BMP5: variants seen among roughly 807,000 people sequenced by gnomAD.
BMP5 encodes bone morphogenetic protein 5.
Under a neutral mutation model 46.6 loss-of-function variants are expected in BMP5, and 23 were observed. The observed-to-expected ratio is 0.49, with a 90% CI of 0.35 to 0.70. The LOEUF (loss-of-function observed/expected upper bound fraction) is 0.70, where lower values mean the gene tolerates loss of function less well. Among genes scored for constraint, BMP5 ranks in the 30% least tolerant of loss-of-function variants. The pLI is 0.00. For missense variants in BMP5, 545 were observed against 565.6 expected (o/e 0.96, Z 0.37); for synonymous variants, 204 against 191.9 (o/e 1.06, Z -0.52).
Position 55,808,057 on chromosome 6 carries a change from GA to G in BMP5, c.683+11597del, listed in dbSNP as rs371050082. ...AGAAACCCACTCTTCTGGGCTTCCT[GA>G]CTTCCTCAGAACTAGCCAGAGGAAA... On this transcript the variant is annotated intron_variant, in intron 2 of 6. Coordinates refer to ENST00000370830, the MANE Select transcript of BMP5 (RefSeq NM_021073.4). 1.6e-3 allele frequency among the ~76,000 whole-genome samples: 239 copies of G among 152,264 alleles called. 1 individual carries two copies. Among genetic ancestry groups the G allele is most frequent in the African/African-American group, 5.5e-3 (227 of 41,550 alleles).
At chr6:55,789,567 A>G (rs1014157135) in intron 3 of BMP5, among the ~76,000 whole-genome samples, 1 of 152,210 alleles carries the variant, frequency 6.6e-6, no homozygotes, top group African/African-American at 2.4e-5. Context: ...CTAGTATGTC[A>G]GTTAATTAAT....
intron 2 of BMP5, among the ~76,000 whole-genome samples, chr6:55,819,275 C>T (rs995570122): frequency 6.6e-6 from 1 of 152,090 alleles, no homozygotes; most frequent in Non-Finnish European, 1.5e-5. Context: ...AAAAGTAAAG[C>T]AGTGCTTCTC....
intron 1 of BMP5, among the ~76,000 whole-genome samples, chr6:55,859,777 T>C (rs1777486469): frequency 6.6e-6 from 1 of 152,210 alleles, no homozygotes; most frequent in African/African-American, 2.4e-5. Context: ...AAACAGTCCT[T>C]CTCCATAAAG....
intron 3 of BMP5, among the ~76,000 whole-genome samples, chr6:55,781,042 G>A (rs961813723): frequency 3.3e-5 from 5 of 151,980 alleles, no homozygotes; most frequent in Admixed American, 2.0e-4. Context: ...TGAATCTCAC[G>A]CTAGGGATTG....
chr6:55,786,303 C>T (rs1383924955), intron 3 of BMP5, among the ~76,000 whole-genome samples: 7 of 151,616 alleles, frequency 4.6e-5, no homozygotes, highest in Non-Finnish European at 3.0e-5. Flanking sequence ...ATTGGCGTAC[C>T]ATTCCATGAT....
intron 2 of BMP5, among the ~76,000 whole-genome samples, chr6:55,817,045 A>G (rs986211653): frequency 1.3e-5 from 2 of 152,160 alleles, no homozygotes; most frequent in Non-Finnish European, 2.9e-5. Context: ...CAAAACCACA[A>G]TGAGATACCA....
chr6:55,837,652 A>G (rs2127544342), intron 1 of BMP5, among the ~76,000 whole-genome samples: 1 of 152,334 alleles, frequency 6.6e-6, no homozygotes, highest in Admixed American at 6.5e-5. Context: ...TTGAGTTACA[A>G]GTAGTCCAAT....
chr6:55,827,637 T>C (rs774988977), intron 1 of BMP5, among the ~76,000 whole-genome samples: 1 of 151,818 alleles, frequency 6.6e-6, no homozygotes, highest in Non-Finnish European at 1.5e-5. Flanking sequence ...AGTTTACTAT[T>C]GTTTTTATTA....
At chr6:55,857,764 G>A (rs1777434388) in intron 1 of BMP5, among the ~76,000 whole-genome samples, 1 of 152,162 alleles carries the variant, frequency 6.6e-6, no homozygotes, top group Admixed American at 6.5e-5. Context: ...TTGAGACAGA[G>A]TTTCACTTTT....
intron 1 of BMP5, among the ~76,000 whole-genome samples, chr6:55,820,561 G>T (rs1360857245): frequency 6.6e-6 from 1 of 151,938 alleles, no homozygotes; most frequent in Non-Finnish European, 1.5e-5. Context: ...AGGACTACAG[G>T]CATGCACCAC....
intron 2 of BMP5, among the ~76,000 whole-genome samples, chr6:55,805,144 A>G (rs1024810950): frequency 1.3e-5 from 2 of 152,204 alleles, no homozygotes; most frequent in Admixed American, 1.3e-4. Context: ...GACACATGGC[A>G]AAAGTGTTTG....
intron 4 of BMP5, among the ~76,000 whole-genome samples, chr6:55,767,896 C>T (rs1181388099): frequency 2.0e-5 from 3 of 151,904 alleles, no homozygotes; most frequent in Non-Finnish European, 4.4e-5. Flanking sequence ...TATGGCTAAA[C>T]ATTGTTTATA....
chr6:55,776,380 C>G (rs1775172152), intron 3 of BMP5, among the ~76,000 whole-genome samples: 1 of 139,008 alleles, frequency 7.2e-6, no homozygotes, highest in Non-Finnish European at 1.7e-5. Flanking sequence ...AACACTTTTA[C>G]AACATGTTTA....
intron 1 of BMP5, among the ~76,000 whole-genome samples, chr6:55,843,841 C>CT (rs1286893535): frequency 3.3e-5 from 5 of 151,864 alleles, no homozygotes; most frequent in Admixed American, 2.0e-4. Context: ...ATTATCCTGC[C>CT]TTGAACAAAA....
chr6:55,821,849 T>A (rs533459829), intron 1 of BMP5, among the ~76,000 whole-genome samples: 3 of 152,262 alleles, frequency 2.0e-5, no homozygotes, highest in Admixed American at 6.5e-5. Context: ...TAGTAACTGA[T>A]GTGCATGTAA....
chr6:55,835,194 C>T (rs1311875047), intron 1 of BMP5, among the ~76,000 whole-genome samples: 1 of 152,008 alleles, frequency 6.6e-6, no homozygotes, highest in Non-Finnish European at 1.5e-5. Context: ...AAATATTTAC[C>T]TTATTTTTCA....
intron 4 of BMP5, among the ~76,000 whole-genome samples, chr6:55,766,208 T>C (rs758337533): frequency 6.6e-6 from 1 of 152,114 alleles, no homozygotes; most frequent in Non-Finnish European, 1.5e-5. Flanking sequence ...TGCTAACCTT[T>C]TCTAAAATAA....
intron 1 of BMP5, among the ~76,000 whole-genome samples, chr6:55,859,956 G>T (rs1319577535): frequency 6.6e-6 from 1 of 152,116 alleles, no homozygotes; most frequent in African/African-American, 2.4e-5. Context: ...AATTTATTTG[G>T]CCACAAAATT....
At chr6:55,779,827 C>A (rs756386862) in intron 3 of BMP5, among the ~76,000 whole-genome samples, 1 of 151,882 alleles carries the variant, frequency 6.6e-6, no homozygotes, top group Non-Finnish European at 1.5e-5. Flanking sequence ...AGAAATTTAG[C>A]GTTCCTCCTT....
Sources: gnomAD v4.1 joint callset for allele counts (sites outside exome capture counted in the v4.1 genomes callset) on GRCh38, gnomAD v4.1.1 for gene constraint, MANE v1.5 for transcripts, NCBI Gene and HGNC (gene_info 2026-07-23, HGNC 2026-07-21) for gene names.